The following MPPED2 variants were observed in gnomAD, a reference collection of about 807,000 sequenced individuals.
MPPED2 encodes metallophosphoesterase MPPED2.
A neutral mutation model predicts 33.0 loss-of-function variants in MPPED2; 5 were observed. The ratio of observed to expected loss-of-function variants is 0.15; its 90% CI spans 0.08 to 0.32. MPPED2 has a LOEUF of 0.32. Among genes scored for constraint, MPPED2 ranks in the 10% least tolerant of loss-of-function variants. MPPED2 has a pLI of 1.00. For synonymous variants in MPPED2, 136 were observed against 141.9 expected, an observed-to-expected ratio of 0.96 and a Z score of 0.29; for missense variants, 275 against 372.1, an observed-to-expected ratio of 0.74 and a Z score of 2.15.
chr11:30,567,058 A>G (rs547430666), intron 2 of MPPED2, among the ~76,000 whole-genome samples: 1 of 152,318 alleles, frequency 6.6e-6, no homozygotes, highest in East Asian at 1.9e-4. Flanking sequence ...TCTACTTGAA[A>G]AAACAAAAAA....
At chr11:30,533,604 T>C (rs968574463) in intron 3 of MPPED2, among the ~76,000 whole-genome samples, 2 of 152,132 alleles carry the variant, frequency 1.3e-5, no homozygotes, top group African/African-American at 4.8e-5. Context: ...TAGAGTGTTA[T>C]CACACACCAT....
At chr11:30,439,912 G>C (rs1330847926) in intron 4 of MPPED2, among the ~76,000 whole-genome samples, 5 of 152,194 alleles carry the variant, frequency 3.3e-5, no homozygotes, top group Admixed American at 3.3e-4. Context: ...TATAAATCTA[G>C]GTGTTCTGTT....
intron 3 of MPPED2, among the ~76,000 whole-genome samples, chr11:30,525,637 T>C (rs1171269303): frequency 6.6e-6 from 1 of 152,162 alleles, no homozygotes; most frequent in Non-Finnish European, 1.5e-5. Context: ...TGACTTCAGC[T>C]CTAATGGTGG....
chr11:30,461,431 C>T (rs1462041434), intron 4 of MPPED2, among the ~76,000 whole-genome samples: 2 of 152,016 alleles, frequency 1.3e-5, no homozygotes, highest in African/African-American at 2.4e-5. Flanking sequence ...AAAAGGGTGA[C>T]GCTGCACCAG....
chr11:30,445,440 C>CT (rs902114504), intron 4 of MPPED2, among the ~76,000 whole-genome samples: 1 of 152,086 alleles, frequency 6.6e-6, no homozygotes, highest in African/African-American at 2.4e-5. Context: ...TTAGTGTAAC[C>CT]TTTTTTCTTA....
chr11:30,576,741 G>T (rs975486218), intron 2 of MPPED2, among the ~76,000 whole-genome samples: 8 of 151,964 alleles, frequency 5.3e-5, no homozygotes, highest in Non-Finnish European at 1.2e-4. Flanking sequence ...CCTGTTAATT[G>T]CTGGGCTTCA....
intron 4 of MPPED2, among the ~76,000 whole-genome samples, chr11:30,421,222 T>C (rs925584814): frequency 2.6e-5 from 4 of 152,172 alleles, no homozygotes; most frequent in African/African-American, 9.7e-5. Flanking sequence ...CTTTCCTGTT[T>C]TCCCTTGCAG....
chr11:30,530,377 A>T (rs1954451980), intron 3 of MPPED2, among the ~76,000 whole-genome samples: 1 of 152,232 alleles, frequency 6.6e-6, no homozygotes, highest in Non-Finnish European at 1.5e-5. Flanking sequence ...ACAATGTTCC[A>T]GGCCCTATAC....
intron 2 of MPPED2, among the ~76,000 whole-genome samples, chr11:30,538,666 TAGTA>T (rs1029696605): frequency 3.3e-4 from 50 of 152,064 alleles, no homozygotes; most frequent in Middle Eastern, 3.4e-3. Context: ...TGAGCTGAAA[TAGTA>T]AGTGTTTCTT....
intron 4 of MPPED2, among the ~76,000 whole-genome samples, chr11:30,429,641 G>T (rs1478024635): frequency 6.6e-6 from 1 of 152,148 alleles, no homozygotes; most frequent in Admixed American, 6.5e-5. Context: ...CTCTGGCAGG[G>T]CGCTCTGGGG....
At chr11:30,547,822 A>C (rs952582139) in intron 2 of MPPED2, among the ~76,000 whole-genome samples, 23 of 101,806 alleles carry the variant, frequency 2.3e-4, no homozygotes, top group Non-Finnish European at 4.7e-4. Context: ...AGGTGTTTGC[A>C]TATCTGTATT....
chr11:30,567,496 T>C (rs997251359), intron 2 of MPPED2, among the ~76,000 whole-genome samples: 2 of 152,004 alleles, frequency 1.3e-5, no homozygotes, highest in African/African-American at 2.4e-5. Flanking sequence ...AGGGGGTGCT[T>C]TTTTTCCAGC....
In MPPED2 at chr11:30,389,232, T is replaced by C. The variant is rs146484575; in HGVS notation, c.767-276A>G. Among the ~76,000 whole-genome samples, 654 of 152,302 alleles carry C rather than the reference T, an allele frequency of 4.3e-3. 7 individuals carry two copies. Among genetic ancestry groups the C allele is most frequent in the African/African-American group, 0.015 (617 of 41,566 alleles). ...GACCTCTTCCTCCAGCAGAGCCTTT[T>C]GACAGCTTAGACTGAATTCGGGAGC... is the stretch of plus-strand genomic sequence containing the variant. On this transcript the variant is annotated intron_variant, in intron 6 of 6. Coordinates refer to the MPPED2 transcript ENST00000448418.
chr11:30,418,054 G>A (rs1477474113), intron 4 of MPPED2, among the ~76,000 whole-genome samples: 1 of 152,094 alleles, frequency 6.6e-6, no homozygotes, highest in Non-Finnish European at 1.5e-5. Flanking sequence ...AGTGAGGAGG[G>A]AGGAGAAAAT....
At chr11:30,525,874 G>A (rs1484933647) in intron 3 of MPPED2, among the ~76,000 whole-genome samples, 1 of 152,144 alleles carries the variant, frequency 6.6e-6, no homozygotes, top group Non-Finnish European at 1.5e-5. Context: ...TAACACAGAG[G>A]ATTGGGTTCA....
chr11:30,454,421 G>A (rs1350694155), intron 4 of MPPED2, among the ~76,000 whole-genome samples: 2 of 151,768 alleles, frequency 1.3e-5, no homozygotes, highest in South Asian at 2.1e-4. Context: ...CATTTTCCCC[G>A]AGCATTTTTT....
chr11:30,399,309 C>T (rs1486661798), intron 6 of MPPED2, among the ~76,000 whole-genome samples: 1 of 152,058 alleles, frequency 6.6e-6, no homozygotes, highest in Non-Finnish European at 1.5e-5. Flanking sequence ...TCAGACAAAC[C>T]ACTTACTCTA....
rs1554919022 is a variant in MPPED2, at chr11:30,583,134, C to CTTTTTTTCTTTTTTTTT, written c.-121-2641_-121-2640insAAAAAAAAAGAAAAAAA. ...CACAAACACCTGGAAAAGACTTTTT[C>CTTTTTTTCTTTTTTTTT]TTTTTTTTTTTTTTTTTTTTTTTTT... On this transcript the variant is annotated intron_variant, in intron 1 of 6. Coordinates refer to ENST00000358117, the MANE Select transcript of MPPED2 (RefSeq NM_001584.3). Among the ~76,000 whole-genome samples the CTTTTTTTCTTTTTTTTT allele has an allele frequency of 1.7e-3, 161 of 96,622 alleles. 7 individuals are homozygous for CTTTTTTTCTTTTTTTTT. The highest frequency in any genetic ancestry group is 2.1e-3 in the Non-Finnish European group (108 of 50,484). 63.4% of individuals were successfully genotyped at this position (96,622 alleles called of 152,430 possible).
At chr11:30,475,681 G>T (rs1013908361) in intron 4 of MPPED2, among the ~76,000 whole-genome samples, 5 of 152,002 alleles carry the variant, frequency 3.3e-5, no homozygotes, top group Admixed American at 2.6e-4. Context: ...TTGTTTCCTG[G>T]TGTTGGTTAT....
Sources: allele counts gnomAD v4.1 joint callset (sites outside exome capture counted in the v4.1 genomes callset), GRCh38; gene constraint gnomAD v4.1.1; transcripts MANE v1.5; gene names NCBI Gene and HGNC (gene_info 2026-07-23, HGNC 2026-07-21).